PCDH15: variants seen among roughly 807,000 people sequenced by gnomAD.
The protein encoded by PCDH15 is protocadherin-15.
A neutral mutation model predicts 178.5 loss-of-function variants in PCDH15; 129 were observed. The ratio of observed to expected loss-of-function variants is 0.72; its 90% confidence interval spans 0.63 to 0.84. The LOEUF (loss-of-function observed/expected upper bound fraction) is 0.84. Ranked by LOEUF, PCDH15 falls within the 40% of genes least tolerant of loss-of-function variation. The probability of loss-of-function intolerance (pLI) is 0.00; values close to 1 mark genes in which losing one functional copy is unlikely to be tolerated. For missense variants in PCDH15, 2,230 were observed against 2,099.9 expected (o/e 1.06, Z -1.21); for synonymous variants, 800 against 732.0 (o/e 1.09, Z -1.50).
At chr10:55,363,393 T>C (rs901020798) in intron 2 of PCDH15, among the ~76,000 whole-genome samples, 1 of 152,180 alleles carries the variant, frequency 6.6e-6, no homozygotes. Flanking sequence ...ATATAGTTTA[T>C]GTGTGAATAT....
intron 1 of PCDH15, among the ~76,000 whole-genome samples, chr10:54,693,689 G>T (rs1258378203): frequency 2.6e-5 from 4 of 152,128 alleles, no homozygotes; most frequent in Non-Finnish European, 1.5e-5. Flanking sequence ...CAGATGAATA[G>T]GGAAAGACTC....
intron 2 of PCDH15, among the ~76,000 whole-genome samples, chr10:54,910,218 A>C (rs890875030): frequency 5.9e-5 from 9 of 152,116 alleles, no homozygotes; most frequent in African/African-American, 2.2e-4. Context: ...CACCTGCTCC[A>C]GATAGCCTGT....
intron 14 of PCDH15, among the ~76,000 whole-genome samples, chr10:54,146,967 A>ATATATATAGTGTATATATATAATGTG (rs1564530795): frequency 2.1e-5 from 3 of 140,910 alleles, no homozygotes; most frequent in African/African-American, 2.7e-5. Context: ...TATATAATGT[A>ATATATATAGTGTATATATATAATGTG]TATATATAGT....
intron 2 of PCDH15, among the ~76,000 whole-genome samples, chr10:55,458,450 G>C (rs1202798400): frequency 6.6e-6 from 1 of 151,970 alleles, no homozygotes; most frequent in Non-Finnish European, 1.5e-5. Flanking sequence ...AGAATCTTAT[G>C]ATTCCTCTTA....
intron 2 of PCDH15, among the ~76,000 whole-genome samples, chr10:54,937,195 A>G (rs1837929173): frequency 6.6e-6 from 1 of 151,910 alleles, no homozygotes; most frequent in Admixed American, 6.6e-5. Flanking sequence ...TCAAGATCAT[A>G]CTTTTGATTA....
At chr10:54,731,752 T>C (rs966077361) in intron 1 of PCDH15, among the ~76,000 whole-genome samples, 2 of 150,422 alleles carry the variant, frequency 1.3e-5, no homozygotes, top group African/African-American at 4.9e-5. Flanking sequence ...AACAAGTGAC[T>C]ATCATGAAGA....
chr10:55,081,032 G>A (rs1372624575), intron 2 of PCDH15, among the ~76,000 whole-genome samples: 2 of 152,072 alleles, frequency 1.3e-5, no homozygotes, highest in Admixed American at 1.3e-4. Context: ...AGGAGCTTTG[G>A]GGGTCTCCAG....
chr10:54,155,791 TAAAAAAAA>T (rs527427577), intron 13 of PCDH15, among the ~76,000 whole-genome samples: 6 of 119,576 alleles, frequency 5.0e-5, no homozygotes, highest in Non-Finnish European at 1.1e-4. Context: ...GTGAGACTCT[TAAAAAAAA>T]AAAAAAAAAA....
At chr10:53,818,902 G>T (rs931897289) in intron 33 of PCDH15, among the ~76,000 whole-genome samples, 1 of 151,938 alleles carries the variant, frequency 6.6e-6, no homozygotes, top group Non-Finnish European at 1.5e-5. Flanking sequence ...TTTAAAAAAT[G>T]TTGAGGCCTT....
At chr10:54,928,511 A>C (rs1396301101) in intron 2 of PCDH15, among the ~76,000 whole-genome samples, 1 of 152,162 alleles carries the variant, frequency 6.6e-6, no homozygotes, top group Non-Finnish European at 1.5e-5. Flanking sequence ...ATGTTCTCAT[A>C]GATGATATGC....
rs564731672 is a variant in PCDH15, at chr10:54,717,787, T to G, written c.-28-53497A>C. 1.6e-3 allele frequency among the ~76,000 whole-genome samples: 230 copies of G among 143,548 alleles called. 35 individuals are homozygous for G. Among genetic ancestry groups the G allele is most frequent in the African/African-American group, 5.9e-3 (220 of 37,560 alleles). 94.2% of individuals were successfully genotyped at this position (143,548 alleles called of 152,430 possible). On this transcript the variant is annotated intron_variant, in intron 1 of 37. Coordinates refer to ENST00000644397, the MANE Select transcript of PCDH15 (RefSeq NM_001384140.1). ...TATATACCCAAAGGACCATAAATCA[T>G]GCTGCTATAAAGACACATGCACACG...
intron 1 of PCDH15, among the ~76,000 whole-genome samples, chr10:54,786,569 T>G: frequency 6.6e-6 from 1 of 152,014 alleles, no homozygotes; most frequent in East Asian, 1.9e-4. Context: ...ATTTATTCAT[T>G]TAATAAACAT....
chr10:55,143,677 T>C (rs1398303063), intron 2 of PCDH15, among the ~76,000 whole-genome samples: 1 of 152,054 alleles, frequency 6.6e-6, no homozygotes, highest in Non-Finnish European at 1.5e-5. Flanking sequence ...GGTTCTATAT[T>C]TCAAGTAGAG....
chr10:55,449,129 T>C (rs1386961672), intron 2 of PCDH15, among the ~76,000 whole-genome samples: 2 of 152,122 alleles, frequency 1.3e-5, no homozygotes, highest in South Asian at 2.1e-4. Flanking sequence ...TAAAAATAAT[T>C]CTAAATATTT....
At chr10:54,766,940 A>AAC (rs1555187167) in intron 1 of PCDH15, among the ~76,000 whole-genome samples, 3 of 151,668 alleles carry the variant, frequency 2.0e-5, no homozygotes. Flanking sequence ...AAAAAAACAA[A>AAC]AAAAAAAATC....
At chr10:53,887,077 T>C (rs1166534755) in intron 26 of PCDH15, among the ~76,000 whole-genome samples, 2 of 152,208 alleles carry the variant, frequency 1.3e-5, no homozygotes, top group Non-Finnish European at 2.9e-5. Flanking sequence ...TCCTGGATTC[T>C]GAAACCAAGA....
intron 3 of PCDH15, among the ~76,000 whole-genome samples, chr10:54,488,652 T>G (rs1220012237): frequency 6.6e-6 from 1 of 151,950 alleles, no homozygotes; most frequent in East Asian, 1.9e-4. Flanking sequence ...AGAAAGATAA[T>G]GCACTTTTGT....
intron 36 of PCDH15, among the ~76,000 whole-genome samples, chr10:53,810,904 A>T (rs2075841149): frequency 6.6e-6 from 1 of 152,198 alleles, no homozygotes; most frequent in Non-Finnish European, 1.5e-5. Context: ...GTTATTTCAG[A>T]TACTCGTTTT....
At chr10:55,596,241 A>G (rs1400230177) in intron 2 of PCDH15, among the ~76,000 whole-genome samples, 2 of 152,130 alleles carry the variant, frequency 1.3e-5, no homozygotes, top group Non-Finnish European at 1.5e-5. Context: ...TGAGATAATT[A>G]TTTTGAGATC....
Sources: allele counts gnomAD v4.1 joint callset (sites outside exome capture counted in the v4.1 genomes callset), GRCh38; gene constraint gnomAD v4.1.1; transcripts MANE v1.5; gene names NCBI Gene and HGNC (gene_info 2026-07-23, HGNC 2026-07-21).